Variants in KHDRBS2 observed in about 807,000 individuals in gnomAD.
KHDRBS2 encodes the protein KH domain-containing, RNA-binding, signal transduction-associated protein 2.
KHDRBS2 carries 26 observed loss-of-function variants against 44.3 expected under a neutral mutation model. The ratio of observed to expected loss-of-function variants is 0.59; its 90% confidence interval spans 0.43 to 0.81. The LOEUF (loss-of-function observed/expected upper bound fraction) is 0.81, where lower values mean the gene tolerates loss of function less well. Ranked by LOEUF, KHDRBS2 falls within the 40% of genes least tolerant of loss-of-function variation. KHDRBS2 has a pLI of 0.00. For missense variants in KHDRBS2, 476 were observed against 433.1 expected (o/e 1.10, Z -0.88); for synonymous variants, 194 against 151.1 (o/e 1.28, Z -2.08).
At chr6:62,117,718 T>A (rs1428284347) in intron 2 of KHDRBS2, among the ~76,000 whole-genome samples, 5 of 152,132 alleles carry the variant, frequency 3.3e-5, no homozygotes, top group African/African-American at 1.2e-4. Flanking sequence ...AATATTTTCT[T>A]CTAGTATTTT....
intron 2 of KHDRBS2, among the ~76,000 whole-genome samples, chr6:62,072,224 G>A (rs1795294187): frequency 6.6e-6 from 1 of 152,128 alleles, no homozygotes; most frequent in South Asian, 2.1e-4. Context: ...TTGCTTATCA[G>A]CTTAAGGAGA....
At chr6:62,116,560 A>G (rs1806278022) in intron 2 of KHDRBS2, among the ~76,000 whole-genome samples, 1 of 152,190 alleles carries the variant, frequency 6.6e-6, no homozygotes, top group Non-Finnish European at 1.5e-5. Flanking sequence ...GATCAATTCA[A>G]GGTAATTAGA....
At chr6:61,916,502 G>T (rs1583492691) in intron 4 of KHDRBS2, among the ~76,000 whole-genome samples, 1 of 151,768 alleles carries the variant, frequency 6.6e-6, no homozygotes, top group East Asian at 1.9e-4. Flanking sequence ...ATTTATCATT[G>T]CTATCAATGC....
intron 6 of KHDRBS2, among the ~76,000 whole-genome samples, chr6:61,789,180 A>G (rs949320686): frequency 2.6e-5 from 4 of 151,456 alleles, no homozygotes; most frequent in East Asian, 1.9e-4. Context: ...GAAAAGTTAT[A>G]TATCTACTTA....
intron 6 of KHDRBS2, among the ~76,000 whole-genome samples, chr6:61,809,137 C>G (rs530434394): frequency 3.3e-5 from 5 of 152,132 alleles, no homozygotes; most frequent in African/African-American, 1.2e-4. Context: ...AAGCACTAGC[C>G]TCTTTTTACT....
In KHDRBS2 at chr6:62,000,676, G is replaced by T. The variant is rs191923695; in HGVS notation, c.337-22464C>A. Among the ~76,000 whole-genome samples the T allele has an allele frequency of 1.4e-3, 206 of 152,180 alleles. 1 individual carries two copies. Among genetic ancestry groups the T allele is most frequent in the African/African-American group, 4.6e-3 (193 of 41,518 alleles). ...GGTTTCAGCTCTGGGAAGACTCACT[G>T]CAGAAAGTGGCACTTGGCAAGATTT... On this transcript the variant is annotated intron_variant, in intron 3 of 8. Transcript: ENST00000281156.
intron 6 of KHDRBS2, among the ~76,000 whole-genome samples, chr6:61,887,026 CTG>C (rs1327801871): frequency 1.3e-5 from 2 of 152,216 alleles, no homozygotes; most frequent in Middle Eastern, 3.4e-3. Flanking sequence ...CTGTGTGAAA[CTG>C]TGTGAGTTCT....
At chr6:61,685,969 T>A (rs116438222) in intron 8 of KHDRBS2, among the ~76,000 whole-genome samples, 1 of 151,820 alleles carries the variant, frequency 6.6e-6, no homozygotes, top group African/African-American at 2.4e-5. Flanking sequence ...TATTTAAGTA[T>A]CTGGAAAGCA....
At chr6:61,798,954 A>G (rs574344273) in intron 6 of KHDRBS2, among the ~76,000 whole-genome samples, 2 of 152,136 alleles carry the variant, frequency 1.3e-5, no homozygotes, top group Non-Finnish European at 2.9e-5. Flanking sequence ...GATGATGACA[A>G]TGATGAAGAC....
intron 4 of KHDRBS2, among the ~76,000 whole-genome samples, chr6:61,925,725 CAAA>C (rs563177938): frequency 9.8e-4 from 87 of 89,196 alleles, no homozygotes; most frequent in African/African-American, 3.2e-3. Context: ...CTCTCTCTCT[CAAA>C]AAAAAAAAAA....
At chr6:61,926,395 A>C (rs1808980487) in intron 4 of KHDRBS2, among the ~76,000 whole-genome samples, 1 of 152,176 alleles carries the variant, frequency 6.6e-6, no homozygotes, top group African/African-American at 2.4e-5. Context: ...CGGATTACAA[A>C]GGCTTTTTAT....
chr6:62,221,163 G>A (rs1830833712), intron 1 of KHDRBS2, among the ~76,000 whole-genome samples: 1 of 151,486 alleles, frequency 6.6e-6, no homozygotes, highest in Admixed American at 6.6e-5. Flanking sequence ...GCCACAACAT[G>A]AATGAAACTG....
chr6:61,937,391 G>T (rs1197876583), intron 4 of KHDRBS2, among the ~76,000 whole-genome samples: 1 of 151,856 alleles, frequency 6.6e-6, no homozygotes, highest in Non-Finnish European at 1.5e-5. Flanking sequence ...GTACATAGAA[G>T]ATACTTCTAC....
chr6:62,222,870 C>T (rs2150153502), intron 1 of KHDRBS2, among the ~76,000 whole-genome samples: 1 of 152,340 alleles, frequency 6.6e-6, no homozygotes, highest in Non-Finnish European at 1.5e-5. Context: ...TCTTAGGCAG[C>T]TCCACCCCTG....
chr6:62,000,122 AGTGT>A (rs142429684), intron 3 of KHDRBS2, among the ~76,000 whole-genome samples: 6 of 150,416 alleles, frequency 4.0e-5, no homozygotes, highest in African/African-American at 1.2e-4. Flanking sequence ...CAATTGTGTG[AGTGT>A]GTGTGTGTGT....
intron 6 of KHDRBS2, among the ~76,000 whole-genome samples, chr6:61,835,253 T>G (rs988058483): frequency 6.6e-6 from 1 of 152,094 alleles, no homozygotes; most frequent in African/African-American, 2.4e-5. Context: ...AGAAAGTTCC[T>G]GAAAATCACC....
chr6:62,075,846 A>G (rs1422040001), intron 2 of KHDRBS2, among the ~76,000 whole-genome samples: 1 of 151,386 alleles, frequency 6.6e-6, no homozygotes, highest in Non-Finnish European at 1.5e-5. Flanking sequence ...TCTGTGGTCT[A>G]ATCTCTGTAT....
chr6:61,771,085 T>G (rs999928327), intron 6 of KHDRBS2, among the ~76,000 whole-genome samples: 8 of 152,128 alleles, frequency 5.3e-5, no homozygotes, highest in African/African-American at 1.9e-4. Context: ...CCAGCCAAAC[T>G]AAGCTTCATA....
At chr6:62,028,524 T>C (rs1783780080) in intron 3 of KHDRBS2, among the ~76,000 whole-genome samples, 1 of 152,120 alleles carries the variant, frequency 6.6e-6, no homozygotes, top group African/African-American at 2.4e-5. Flanking sequence ...ATGGTAAATG[T>C]AATATTCTTA....
Sources: gnomAD v4.1 joint callset for allele counts (sites outside exome capture counted in the v4.1 genomes callset) on GRCh38, gnomAD v4.1.1 for gene constraint, MANE v1.5 for transcripts, NCBI Gene and HGNC (gene_info 2026-07-23, HGNC 2026-07-21) for gene names.